ATRNL1: variants seen among roughly 807,000 people sequenced by gnomAD.
ATRNL1 encodes the protein attractin like 1, also known as attractin-like protein 1.
A neutral mutation model predicts 182.7 loss-of-function variants in ATRNL1; 95 were observed. The observed-to-expected ratio is 0.52, with a 90% CI of 0.44 to 0.62. ATRNL1 has a LOEUF of 0.62. ATRNL1 is among the 20% of genes least tolerant of loss of function. The pLI is 0.00. For synonymous variants in ATRNL1, 576 were observed against 568.3 expected (o/e 1.01, Z -0.19); for missense variants, 1,471 against 1,679.5 (o/e 0.88, Z 2.17).
intron 8 of ATRNL1, among the ~76,000 whole-genome samples, chr10:115,200,838 C>T (rs1236359319): frequency 2.5e-4 from 37 of 147,386 alleles, no homozygotes; most frequent in Non-Finnish European, 4.5e-4. Context: ...GTTTACAGTC[C>T]CACCAACAGT....
chr10:115,156,186 A>G (rs1056891072), intron 5 of ATRNL1, among the ~76,000 whole-genome samples: 1 of 152,140 alleles, frequency 6.6e-6, no homozygotes, highest in Non-Finnish European at 1.5e-5. Flanking sequence ...TGAAACTTTT[A>G]TACTTTAACA....
At chr10:115,838,335 G>T (rs12777806) in intron 27 of ATRNL1, among the ~76,000 whole-genome samples, 31 of 152,188 alleles carry the variant, frequency 2.0e-4, no homozygotes, top group Non-Finnish European at 3.5e-4. Flanking sequence ...ACATGGGATT[G>T]GTAATGTAGA....
At chr10:115,465,167 G>T (rs947001437) in intron 22 of ATRNL1, among the ~76,000 whole-genome samples, 1 of 151,640 alleles carries the variant, frequency 6.6e-6, no homozygotes, top group African/African-American at 2.4e-5. Flanking sequence ...AAGGTTATCT[G>T]ACTCTTCACT....
At chr10:115,279,213 A>AAT (rs1852244975) in intron 13 of ATRNL1, among the ~76,000 whole-genome samples, 1 of 149,352 alleles carries the variant, frequency 6.7e-6, no homozygotes, top group Non-Finnish European at 1.5e-5. Flanking sequence ...AAAAAAAAAA[A>AAT]AATAATAATA....
At position 115,367,171 on chromosome 10, in the gene ATRNL1, T is replaced by G. The variant is rs1371345468; in HGVS notation, c.3176-27488T>G. 3.5e-4 allele frequency among the ~76,000 whole-genome samples: 30 copies of G among 85,870 alleles called. 2 individuals carry two copies. Among genetic ancestry groups the G allele is most frequent in the Non-Finnish European group, 6.2e-4 (23 of 36,912 alleles). The allele number at this position is 85,870 out of a possible 152,430, so 56.3% of individuals were successfully genotyped here. ...TCAGGTACACCAATCAGACGTAGAT[T>G]TGGTCTTTTCACATAGTCCCATATT... On this transcript the variant is annotated intron_variant, in intron 19 of 28. Coordinates refer to ENST00000355044, the MANE Select transcript of ATRNL1 (RefSeq NM_207303.4).
At chr10:115,432,184 A>AG (rs1554964119) in intron 21 of ATRNL1, among the ~76,000 whole-genome samples, 1 of 152,152 alleles carries the variant, frequency 6.6e-6, no homozygotes, top group African/African-American at 2.4e-5. Flanking sequence ...AAAGTCATTA[A>AG]GTCATTAATG....
chr10:115,796,870 G>A (rs1171966745), intron 27 of ATRNL1, among the ~76,000 whole-genome samples: 1 of 152,082 alleles, frequency 6.6e-6, no homozygotes, highest in African/African-American at 2.4e-5. Context: ...CTTAAAAAGA[G>A]CAATGTTCAT....
chr10:115,389,571 T>TATATATATATATAC (rs1843899998), intron 19 of ATRNL1, among the ~76,000 whole-genome samples: 1 of 119,330 alleles, frequency 8.4e-6, no homozygotes, highest in Non-Finnish European at 1.8e-5. Flanking sequence ...TATATATATA[T>TATATATATATATAC]ATATATATAT....
chr10:115,899,033 G>T (rs2134483705), intron 28 of ATRNL1, among the ~76,000 whole-genome samples: 1 of 150,410 alleles, frequency 6.6e-6, no homozygotes, highest in East Asian at 2.0e-4. Context: ...ATGTATACAT[G>T]TGCCATGTTG....
intron 28 of ATRNL1, among the ~76,000 whole-genome samples, chr10:115,869,049 T>A (rs2134411110): frequency 6.6e-6 from 1 of 152,158 alleles, no homozygotes; most frequent in African/African-American, 2.4e-5. Flanking sequence ...CAGGATTGTC[T>A]TGATCTCCTG....
chr10:115,393,298 A>G (rs1592586725), intron 19 of ATRNL1, among the ~76,000 whole-genome samples: 1 of 152,276 alleles, frequency 6.6e-6, no homozygotes, highest in Admixed American at 6.5e-5. Flanking sequence ...GGTATACAGT[A>G]TCTATTTTCT....
chr10:115,480,026 A>C (rs1410394714), intron 24 of ATRNL1, among the ~76,000 whole-genome samples: 1 of 151,348 alleles, frequency 6.6e-6, no homozygotes, highest in Non-Finnish European at 1.5e-5. Context: ...TTTAATGAGA[A>C]TGATGCTAGG....
intron 18 of ATRNL1, among the ~76,000 whole-genome samples, chr10:115,320,514 C>G (rs1248636235): frequency 1.3e-5 from 2 of 152,144 alleles, no homozygotes; most frequent in Non-Finnish European, 2.9e-5. Context: ...TTCTCCCTGT[C>G]TACTTCAGGT....
At chr10:115,785,013 C>T (rs1949360903) in intron 27 of ATRNL1, among the ~76,000 whole-genome samples, 1 of 152,128 alleles carries the variant, frequency 6.6e-6, no homozygotes, top group Non-Finnish European at 1.5e-5. Flanking sequence ...TTAACCCATT[C>T]CAGCATTAAA....
chr10:115,915,208 G>C (rs1168262829), intron 28 of ATRNL1, among the ~76,000 whole-genome samples: 1 of 152,004 alleles, frequency 6.6e-6, no homozygotes, highest in Non-Finnish European at 1.5e-5. Context: ...TCATCCTGGC[G>C]AACACTGTGA....
intron 28 of ATRNL1, among the ~76,000 whole-genome samples, chr10:115,881,467 C>T (rs1555108558): frequency 1.3e-5 from 2 of 152,186 alleles, no homozygotes. Context: ...CAATAGCTTT[C>T]ACCCACAAAG....
At chr10:115,516,528 A>T (rs540381082) in intron 24 of ATRNL1, among the ~76,000 whole-genome samples, 1 of 152,024 alleles carries the variant, frequency 6.6e-6, no homozygotes, top group East Asian at 1.9e-4. Flanking sequence ...CAACAGCCAG[A>T]ATGATATTTT....
At chr10:115,236,730 G>T (rs1156247477) in intron 9 of ATRNL1, among the ~76,000 whole-genome samples, 5 of 152,114 alleles carry the variant, frequency 3.3e-5, no homozygotes, top group Non-Finnish European at 5.9e-5. Flanking sequence ...GTTACAGTCA[G>T]TGGGTCAATG....
rs191655864 is a variant in ATRNL1 at position 115,762,599 on chromosome 10, A to T, written c.3903+35244A>T. Reference sequence around the variant, plus strand: ...CTGCCATGTAATTTATCTAGATTGTAACATGATTTGGGGAGAAAGGGTACA... The same window carrying T: ...CTGCCATGTAATTTATCTAGATTGTTACATGATTTGGGGAGAAAGGGTACA... On this transcript the variant is annotated intron_variant, in intron 27 of 28. Coordinates refer to ENST00000355044, the MANE Select transcript of ATRNL1 (RefSeq NM_207303.4). Among the ~76,000 whole-genome samples the T allele has an allele frequency of 7.9e-5, 12 of 152,302 alleles. No individual in the cohort carries two copies. The East Asian group carries it at 2.3e-3, about 29-fold the overall frequency.
Sources: gnomAD v4.1 joint callset for allele counts (sites outside exome capture counted in the v4.1 genomes callset) on GRCh38, gnomAD v4.1.1 for gene constraint, MANE v1.5 for transcripts, NCBI Gene and HGNC (gene_info 2026-07-23, HGNC 2026-07-21) for gene names.